PHF14: variants seen among roughly 807,000 people sequenced by gnomAD.
PHF14 encodes PHD finger protein 14.
A neutral mutation model predicts 117.9 loss-of-function variants in PHF14; 55 were observed. The observed-to-expected ratio is 0.47, with a 90% CI of 0.38 to 0.58. PHF14 has a LOEUF of 0.58. Among genes scored for constraint, PHF14 ranks in the 20% least tolerant of loss-of-function variants. PHF14 has a pLI of 0.00. For missense variants in PHF14, 978 were observed against 1,122.2 expected (o/e 0.87, Z 1.84); for synonymous variants, 409 against 368.6 (o/e 1.11, Z -1.26).
intron 2 of PHF14, among the ~76,000 whole-genome samples, chr7:10,981,745 T>G (rs919131867): frequency 6.6e-6 from 1 of 152,222 alleles, no homozygotes; most frequent in Non-Finnish European, 1.5e-5. Context: ...TAATTTCTCT[T>G]GCAACTTCCT....
At chr7:11,029,528 G>C (rs902471489) in intron 7 of PHF14, among the ~76,000 whole-genome samples, 3 of 152,076 alleles carry the variant, frequency 2.0e-5, no homozygotes, top group African/African-American at 7.2e-5. Flanking sequence ...TATGTAAAAT[G>C]TAAAACAGTG....
chr7:11,126,259 A>G (rs1043869703), intron 17 of PHF14, among the ~76,000 whole-genome samples: 1 of 152,128 alleles, frequency 6.6e-6, no homozygotes, highest in South Asian at 2.1e-4. Context: ...TAATGACTCA[A>G]TTTAAAATTT....
At chr7:11,118,597 T>C (rs1787664631) in intron 17 of PHF14, among the ~76,000 whole-genome samples, 1 of 151,894 alleles carries the variant, frequency 6.6e-6, no homozygotes, top group Non-Finnish European at 1.5e-5. Context: ...GTCATCATTA[T>C]TGCCTGGTCA....
chr7:10,977,984 T>G (rs1248471875), intron 2 of PHF14, among the ~76,000 whole-genome samples: 1 of 151,532 alleles, frequency 6.6e-6, no homozygotes, highest in Non-Finnish European at 1.5e-5. Flanking sequence ...AGACATGTAT[T>G]ACTTCTATTA....
intron 16 of PHF14, among the ~76,000 whole-genome samples, chr7:11,066,272 A>AT: frequency 6.6e-6 from 1 of 152,078 alleles, no homozygotes; most frequent in Non-Finnish European, 1.5e-5. Flanking sequence ...TCTGATTATA[A>AT]TTTTTTTGTT....
At chr7:11,044,585 G>A (rs892520861) in intron 13 of PHF14, among the ~76,000 whole-genome samples, 2 of 152,092 alleles carry the variant, frequency 1.3e-5, no homozygotes, top group Non-Finnish European at 2.9e-5. Flanking sequence ...AAGATTCAGA[G>A]AATTGTTTTT....
At chr7:11,095,346 G>T (rs1260157019) in intron 16 of PHF14, among the ~76,000 whole-genome samples, 1 of 152,180 alleles carries the variant, frequency 6.6e-6, no homozygotes, top group African/African-American at 2.4e-5. Flanking sequence ...TGGGATTTTA[G>T]TCCAGGAACT....
chr7:11,108,653 A>G (rs1428569858), intron 16 of PHF14: 1 of 151,742 alleles, frequency 6.6e-6, no homozygotes, highest in African/African-American at 2.4e-5. Context: ...TAGCATATAA[A>G]ATCTTTCTCT....
intron 3 of PHF14, among the ~76,000 whole-genome samples, chr7:10,985,721 C>T (rs777267162): frequency 1.3e-4 from 17 of 127,542 alleles, no homozygotes; most frequent in Non-Finnish European, 2.2e-4. Context: ...GGCATGATCT[C>T]GGCTCACTGC....
chr7:11,126,716 C>T (rs1787938486), intron 17 of PHF14, among the ~76,000 whole-genome samples: 2 of 151,190 alleles, frequency 1.3e-5, no homozygotes, highest in South Asian at 4.2e-4. Flanking sequence ...ATAGCAATGT[C>T]CCTAATAGGG....
At chr7:11,136,506 A>C (rs12056132) in intron 17 of PHF14, among the ~76,000 whole-genome samples, 71,814 of 151,944 alleles carry the variant, frequency 0.47, 17,636 homozygotes, top group East Asian at 0.84. Flanking sequence ...TAAAAACTGA[A>C]TTACATTTTC....
intron 16 of PHF14, among the ~76,000 whole-genome samples, chr7:11,075,191 A>G (rs1002859562): frequency 1.3e-5 from 2 of 151,996 alleles, no homozygotes; most frequent in African/African-American, 4.8e-5. Flanking sequence ...CTTCTGCCTC[A>G]TCCTCCCAAA....
At chr7:11,102,956 T>C in intron 16 of PHF14, 3 of 1,019,104 alleles carry the variant, frequency 2.9e-6, no homozygotes, top group Non-Finnish European at 3.5e-6. Flanking sequence ...AATATGCTAC[T>C]CCCTGTTGTG....
chr7:11,031,361 C>A (rs199666860), intron 7 of PHF14, among the ~76,000 whole-genome samples: 1 of 148,848 alleles, frequency 6.7e-6, no homozygotes, highest in African/African-American at 2.4e-5. Flanking sequence ...TGTGAATATT[C>A]CAGATTTATT....
At chr7:11,165,094 A>C (rs1242401185) in intron 17 of PHF14, among the ~76,000 whole-genome samples, 1 of 151,936 alleles carries the variant, frequency 6.6e-6, no homozygotes, top group Admixed American at 6.6e-5. Context: ...CCAGCGAATA[A>C]TTGTATTTTT....
intron 17 of PHF14, among the ~76,000 whole-genome samples, chr7:11,160,899 C>T (rs1789005184): frequency 6.6e-6 from 1 of 152,128 alleles, no homozygotes; most frequent in East Asian, 1.9e-4. Flanking sequence ...TTTTGCTGTA[C>T]AGATGCTCTT....
chr7:11,147,634 T>C (rs1291678206), intron 17 of PHF14, among the ~76,000 whole-genome samples: 1 of 152,236 alleles, frequency 6.6e-6, no homozygotes, highest in Non-Finnish European at 1.5e-5. Context: ...CTTGGTTTCA[T>C]GACTTCTAAT....
intron 16 of PHF14, chr7:11,063,198 T>A: frequency 1.0e-6 from 1 of 981,536 alleles, no homozygotes. Flanking sequence ...GTTAAGAAAG[T>A]TTATAATAAT....
At chr7:11,115,053 G>A (rs544990639) in intron 17 of PHF14, among the ~76,000 whole-genome samples, 152 of 151,746 alleles carry the variant, frequency 1.0e-3, no homozygotes, top group Non-Finnish European at 1.8e-3. Flanking sequence ...TCTTCCATCC[G>A]TTCACCCAAG....
Sources: gnomAD v4.1 joint callset for allele counts (sites outside exome capture counted in the v4.1 genomes callset) on GRCh38, gnomAD v4.1.1 for gene constraint, MANE v1.5 for transcripts, NCBI Gene and HGNC (gene_info 2026-07-23, HGNC 2026-07-21) for gene names.